Variants in DOP1A observed in about 807,000 individuals in gnomAD.
The protein encoded by DOP1A is DOP1 leucine zipper like protein A.
A neutral mutation model predicts 267.6 loss-of-function variants in DOP1A; 90 were observed. The observed-to-expected ratio is 0.34, with a 90% confidence interval of 0.28 to 0.40. The LOEUF (loss-of-function observed/expected upper bound fraction) is 0.40. Among genes scored for constraint, DOP1A ranks in the 10% least tolerant of loss-of-function variants. The pLI is 1.00. For missense variants in DOP1A, 2,437 were observed against 2,900.4 expected (o/e 0.84, Z 3.67); for synonymous variants, 932 against 999.1 (o/e 0.93, Z 1.27).
At chr6:83,113,916 T>C (rs1275990199) in intron 7 of DOP1A, among the ~76,000 whole-genome samples, 1 of 152,220 alleles carries the variant, frequency 6.6e-6, no homozygotes, top group African/African-American at 2.4e-5. Flanking sequence ...TAGAACTTAA[T>C]TTAATCAGTG....
intron 4 of DOP1A, 85 bp downstream of exon 4, chr6:83,100,971 A>G (rs1283547100): frequency 2.2e-6 from 2 of 906,536 alleles, no homozygotes; most frequent in African/African-American, 3.5e-5. Flanking sequence ...ACTAAAAACT[A>G]AAAATTGAAA....
chr6:83,115,085 A>G (rs1775199565), intron 7 of DOP1A, among the ~76,000 whole-genome samples: 2 of 152,206 alleles, frequency 1.3e-5, no homozygotes, highest in Non-Finnish European at 1.5e-5. Flanking sequence ...CAAAAGGATG[A>G]TAGTTGTTAG....
chr6:83,125,765 T>C, intron 15 of DOP1A, 32 bp downstream of exon 15: 1 of 1,541,944 alleles, frequency 6.5e-7, no homozygotes, highest in Non-Finnish European at 8.9e-7. Flanking sequence ...GGTATTAGAC[T>C]GTTCATATTT....
At position 83,096,606 on chromosome 6, in the gene DOP1A, A is replaced by G. The variant is rs1191516797; in HGVS notation, c.-146-125A>G. The G allele has an allele frequency of 1.0e-5, 4 of 400,752 alleles. No homozygotes were observed. In the East Asian group the frequency reaches 1.4e-4, roughly 14 times the overall value. The allele number at this position is 400,752 out of a possible 1,614,324, so 24.8% of individuals were successfully genotyped here. A position where few individuals can be genotyped will look rare whatever the true frequency, so the allele number is the denominator to read the frequency against. On this transcript the variant is annotated intron_variant, in intron 1 of 38. Coordinates refer to ENST00000349129, the MANE Select transcript of DOP1A (RefSeq NM_015018.4). The stretch of plus-strand genomic sequence containing the variant: ...CAAAACAAAGTAGAGGAGCATATAT[A>G]TATCAGAAATGTTACATAAACAAAT...
intron 8 of DOP1A, among the ~76,000 whole-genome samples, 200 bp downstream of exon 8, chr6:83,119,187 G>A (rs1435228699): frequency 1.3e-5 from 2 of 152,120 alleles, no homozygotes; most frequent in African/African-American, 4.8e-5. Flanking sequence ...GAGTCTATTT[G>A]AATTCATAAA....
intron 1 of DOP1A, among the ~76,000 whole-genome samples, chr6:83,090,381 G>A (rs544883015): frequency 2.8e-4 from 42 of 152,218 alleles, no homozygotes; most frequent in Non-Finnish European, 5.3e-4. Flanking sequence ...AGGCCCTACC[G>A]TCTACTGCCT....
At chr6:83,170,316 C>T, downstream of DOP1A, 3 of 1,614,144 alleles carry the variant, frequency 1.9e-6, no homozygotes, top group Non-Finnish European at 2.5e-6. Context: ...TGTGAGTCTG[C>T]TTCTGCATAT....
intron 3 of DOP1A, among the ~76,000 whole-genome samples, chr6:83,097,756 G>T (rs1207518614): frequency 6.6e-6 from 1 of 151,284 alleles, no homozygotes; most frequent in Non-Finnish European, 1.5e-5. Context: ...CCATAGTTAA[G>T]GTTTTTTTTA....
intron 17 of DOP1A, among the ~76,000 whole-genome samples, 200 bp from the exon 18 acceptor site, chr6:83,131,975 AT>A (rs1207247430): frequency 1.3e-5 from 2 of 152,174 alleles, no homozygotes; most frequent in East Asian, 3.9e-4. Flanking sequence ...TTAAAGGACT[AT>A]CATAAAAGGT....
chr6:83,106,350 G>A (rs982753287), intron 4 of DOP1A, among the ~76,000 whole-genome samples: 2 of 152,182 alleles, frequency 1.3e-5, no homozygotes, highest in Non-Finnish European at 2.9e-5. Context: ...AGAGCAGTCA[G>A]CATTTAGTTG....
intron 17 of DOP1A, among the ~76,000 whole-genome samples, chr6:83,131,367 C>CATT (rs1263983787): frequency 1.3e-5 from 2 of 151,978 alleles, no homozygotes; most frequent in South Asian, 2.1e-4. Context: ...AAGATTATTG[C>CATT]ATTATTATTA....
chr6:83,167,221 C>CA, intron 38 of DOP1A: 1 of 933,518 alleles, frequency 1.1e-6, no homozygotes, highest in Non-Finnish European at 1.3e-6. Context: ...GTAAGTATGG[C>CA]AGAGCCAGCA....
At chr6:83,119,990 AT>A in intron 9 of DOP1A, 133 bp downstream of exon 9, 1 of 607,386 alleles carries the variant, frequency 1.6e-6, no homozygotes, top group Non-Finnish European at 2.7e-6. Flanking sequence ...CTTCCCAAGA[AT>A]TTTTATAACA....
At chr6:83,156,241 CAAT>C in intron 34 of DOP1A, 138 bp downstream of exon 34, 1 of 691,870 alleles carries the variant, frequency 1.4e-6, no homozygotes, top group Non-Finnish European at 2.3e-6. Flanking sequence ...TCTACTGAAA[CAAT>C]GAAAATTATC....
chr6:83,090,159 A>G (rs1770083348), intron 1 of DOP1A, among the ~76,000 whole-genome samples: 1 of 152,094 alleles, frequency 6.6e-6, no homozygotes, highest in South Asian at 2.1e-4. Context: ...TTTCTTGAGC[A>G]TTTTCTATGT....
In DOP1A at chr6:83,168,309, A is replaced by T. The variant is rs1786346354; in HGVS notation, c.*142A>T. 10 of 1,428,196 alleles carry T rather than the reference A, an allele frequency of 7.0e-6. No individual in the cohort carries two copies. In the South Asian group the frequency reaches 1.4e-4, roughly 20 times the overall value. The allele number at this position is 1,428,196 out of a possible 1,614,324, so 88.5% of individuals were successfully genotyped here. The stretch of plus-strand genomic sequence containing the variant: ...TATTTAATTTAAATATTTGTATATA[A>T]GAGCAAATGTCTGAATGTGGCCTGA... On this transcript the variant is annotated 3_prime_UTR_variant, in exon 39 of 39. Coordinates refer to ENST00000349129, the MANE Select transcript of DOP1A (RefSeq NM_015018.4).
intron 1 of DOP1A, chr6:83,072,945 C>T (rs1190488941): frequency 2.9e-6 from 1 of 343,554 alleles, no homozygotes; most frequent in Non-Finnish European, 5.8e-6. Context: ...AGGTTTTTCT[C>T]CTGCTGGCCT....
At chr6:83,111,011 T>G (rs1161286515) in intron 6 of DOP1A, among the ~76,000 whole-genome samples, 1 of 152,150 alleles carries the variant, frequency 6.6e-6, no homozygotes, top group South Asian at 2.1e-4. Context: ...GCCTTTTTTT[T>G]AGTCACTCCC....
Position 83,138,103 on chromosome 6 carries a change from C to T in DOP1A, c.4061C>T (p.Ser1354Phe). 1 of 1,613,856 alleles carries T rather than the reference C, an allele frequency of 6.2e-7. No homozygotes were observed. The highest frequency in any genetic ancestry group is 8.5e-7 in the Non-Finnish European group (1 of 1,179,874). Reference protein sequence around the residue: ...EIESDMGSPGSRKSPNFNIHP... With the variant: ...EIESDMGSPGFRKSPNFNIHP... Reference sequence around the variant, plus strand: ...GAGAGTGACATGGGTTCTCCAGGATCTCGAAAATCTCCCAATTTCAACATT... The same window carrying T: ...GAGAGTGACATGGGTTCTCCAGGATTTCGAAAATCTCCCAATTTCAACATT... Residue 1354 changes from serine (S) to phenylalanine (F), a missense_variant, in exon 21 of 39, where the codon TCT (serine) becomes TTT (phenylalanine). Physicochemically the swap from Ser to Phe is radical, Grantham distance 155. Transcript: ENST00000349129.
Sources: allele counts gnomAD v4.1 joint callset (sites outside exome capture counted in the v4.1 genomes callset), GRCh38; gene constraint gnomAD v4.1.1; transcripts MANE v1.5; gene names NCBI Gene and HGNC (gene_info 2026-07-23, HGNC 2026-07-21).